The following SYNPR variants were observed in gnomAD, a reference collection of about 807,000 sequenced individuals.
SYNPR encodes synaptoporin.
In SYNPR, 23 loss-of-function variants were observed where a neutral mutation model predicts 32.9. The ratio of observed to expected loss-of-function variants is 0.70; its 90% CI spans 0.50 to 0.99. The LOEUF is 0.99. SYNPR is among the 50% of genes least tolerant of loss of function. The probability of loss-of-function intolerance (pLI) is 0.00; values close to 1 mark genes in which losing one functional copy is unlikely to be tolerated. For missense variants in SYNPR, 318 were observed against 349.3 expected, an observed-to-expected ratio of 0.91 and a Z score of 0.71; for synonymous variants, 146 against 135.9, an observed-to-expected ratio of 1.07 and a Z score of -0.52.
At chr3:63,483,964 C>A (rs946368094) in intron 3 of SYNPR, among the ~76,000 whole-genome samples, 2 of 152,136 alleles carry the variant, frequency 1.3e-5, no homozygotes, top group Non-Finnish European at 2.9e-5. Flanking sequence ...GGACAATAAA[C>A]TCAAGTCATT....
chr3:63,222,415 T>G, the SYNPR span, among the ~76,000 whole-genome samples: 2 of 152,324 alleles, frequency 1.3e-5, no homozygotes, highest in African/African-American at 4.8e-5. Flanking sequence ...ACATGCCTAC[T>G]TCCTTGATTT....
Position 63,494,566 on chromosome 3 carries a change from G to A in SYNPR, c.209+13610G>A, listed in dbSNP as rs563528056. ...GATCATCATCATCATCGTTGTCATC[G>A]ATATCATTATTATCATCAAAAAAGG... On this transcript the variant is annotated intron_variant, in intron 3 of 5. Transcript: ENST00000478300. 9.8e-4 allele frequency among the ~76,000 whole-genome samples: 145 copies of A among 147,846 alleles called. 2 individuals carry two copies. The highest frequency in any genetic ancestry group is 9.0e-3 in the Admixed American group (131 of 14,612).
intron 2 of SYNPR, among the ~76,000 whole-genome samples, chr3:63,289,827 G>A (rs1218768489): frequency 6.6e-6 from 1 of 152,064 alleles, no homozygotes; most frequent in African/African-American, 2.4e-5. Context: ...ACTTTCAAAA[G>A]ACTAATAAAA....
At chr3:63,349,168 T>A (rs1159036453) in intron 2 of SYNPR, among the ~76,000 whole-genome samples, 1 of 152,006 alleles carries the variant, frequency 6.6e-6, no homozygotes. Context: ...AGTGGCAAGA[T>A]CTTGGCTCAC....
At chr3:63,562,814 T>C (rs1243096797) in intron 4 of SYNPR, among the ~76,000 whole-genome samples, 1 of 152,186 alleles carries the variant, frequency 6.6e-6, no homozygotes, top group Non-Finnish European at 1.5e-5. Context: ...TTCAGGGTAG[T>C]GGCTAATTTA....
upstream of SYNPR, among the ~76,000 whole-genome samples, chr3:63,223,554 G>C (rs1281193435): frequency 2.6e-5 from 4 of 151,974 alleles, no homozygotes; most frequent in Non-Finnish European, 5.9e-5. Context: ...TTTAGCTAAG[G>C]TTCTGCCCCC....
chr3:63,467,916 C>G (rs1235420837), intron 2 of SYNPR, among the ~76,000 whole-genome samples: 4 of 151,980 alleles, frequency 2.6e-5, no homozygotes, highest in African/African-American at 9.7e-5. Context: ...TCAGAATAAT[C>G]AGGCTGGGCA....
chr3:63,513,950 C>T (rs9872672), intron 3 of SYNPR, among the ~76,000 whole-genome samples: 24,286 of 151,986 alleles, frequency 0.16, 2,025 homozygotes, highest in African/African-American at 0.2. Flanking sequence ...CTGGAAGTGC[C>T]CATAATTTGC....
At chr3:63,516,288 G>C (rs190820648) in intron 3 of SYNPR, among the ~76,000 whole-genome samples, 2 of 152,126 alleles carry the variant, frequency 1.3e-5, no homozygotes, top group East Asian at 1.9e-4. Context: ...ACTCACACTG[G>C]ATCAATCGGC....
intron 4 of SYNPR, among the ~76,000 whole-genome samples, chr3:63,584,326 A>G (rs980831407): frequency 1.3e-5 from 2 of 152,130 alleles, no homozygotes; most frequent in Non-Finnish European, 2.9e-5. Flanking sequence ...GTTAATGTGC[A>G]TTCCTTTGGC....
intron 4 of SYNPR, among the ~76,000 whole-genome samples, chr3:63,556,950 G>T (rs1205499514): frequency 2.6e-5 from 4 of 152,088 alleles, no homozygotes; most frequent in Admixed American, 2.6e-4. Context: ...CACCCAACTT[G>T]CTAGAAACCC....
Position 63,506,153 on chromosome 3 carries a change from C to T in SYNPR, c.209+25197C>T, listed in dbSNP as rs574573533. 3.5e-4 allele frequency among the ~76,000 whole-genome samples: 53 copies of T among 151,596 alleles called. 1 individual carries two copies. Among genetic ancestry groups the T allele is most frequent in the South Asian group, 6.3e-4 (3 of 4,796 alleles). On this transcript the variant is annotated intron_variant, in intron 3 of 5. Transcript: ENST00000478300. ...TCCCTTCCTCTCTTCCCTTTTCCTC[C>T]GCTCTCTTCTTCTTTCCTTTCTTTC... is the stretch of plus-strand genomic sequence containing the variant.
intron 2 of SYNPR, among the ~76,000 whole-genome samples, chr3:63,479,028 G>T (rs1181264713): frequency 6.6e-6 from 1 of 152,164 alleles, no homozygotes; most frequent in Non-Finnish European, 1.5e-5. Context: ...TAAAGATGGG[G>T]TTCCCTTCAG....
intron 2 of SYNPR, among the ~76,000 whole-genome samples, chr3:63,312,442 T>C (rs1049834963): frequency 2.0e-5 from 3 of 151,984 alleles, no homozygotes; most frequent in Non-Finnish European, 4.4e-5. Context: ...TCTCTCTCTT[T>C]CCCTAGTTTT....
intron 2 of SYNPR, among the ~76,000 whole-genome samples, chr3:63,372,538 CT>C (rs2087829863): frequency 6.6e-6 from 1 of 152,188 alleles, no homozygotes; most frequent in Non-Finnish European, 1.5e-5. Context: ...CCCCATCCCC[CT>C]TTCCCCCACA....
chr3:63,333,947 A>G (rs549686576), intron 2 of SYNPR, among the ~76,000 whole-genome samples: 3 of 152,372 alleles, frequency 2.0e-5, no homozygotes, highest in African/African-American at 7.2e-5. Context: ...AAACTGTATT[A>G]AGAATGAAAA....
chr3:63,558,804 A>G lies in SYNPR; in HGVS notation c.408+2063A>G, dbSNP rs59404179. Among the ~76,000 whole-genome samples the G allele has an allele frequency of 2.7e-3, 406 of 152,074 alleles. 11 individuals carry two copies. The East Asian group carries it at 0.057, about 21-fold the overall frequency. Reference sequence around the variant, plus strand: ...ACAGTTAATTTAAATGTGTATAAATATTTTTGTTGCAAAAAATATATAATA... The same window carrying G: ...ACAGTTAATTTAAATGTGTATAAATGTTTTTGTTGCAAAAAATATATAATA... On this transcript the variant is annotated intron_variant, in intron 4 of 5. Transcript: ENST00000478300.
chr3:63,346,279 A>G (rs1462468350), intron 2 of SYNPR, among the ~76,000 whole-genome samples: 4 of 152,196 alleles, frequency 2.6e-5, no homozygotes, highest in Non-Finnish European at 5.9e-5. Context: ...AGTCACAAAT[A>G]CACAATCATA....
intron 4 of SYNPR, among the ~76,000 whole-genome samples, chr3:63,592,840 A>T (rs1699862505): frequency 6.6e-6 from 1 of 152,138 alleles, no homozygotes; most frequent in Non-Finnish European, 1.5e-5. Context: ...ACTAATTAAT[A>T]GAGTGAACTT....
Sources: allele counts gnomAD v4.1 joint callset (sites outside exome capture counted in the v4.1 genomes callset), GRCh38; gene constraint gnomAD v4.1.1; transcripts MANE v1.5; gene names NCBI Gene and HGNC (gene_info 2026-07-23, HGNC 2026-07-21).